The following MRPS9 variants were observed in gnomAD, a reference collection of about 807,000 sequenced individuals.
MRPS9 encodes the protein mitochondrial ribosomal protein S9, also known as small ribosomal subunit protein uS9m.
A neutral mutation model predicts 59.9 loss-of-function variants in MRPS9; 45 were observed. That is an observed-to-expected ratio of 0.75 (90% CI 0.59 to 0.96). The LOEUF is 0.96. Among genes scored for constraint, MRPS9 ranks in the 40% least tolerant of loss-of-function variants. MRPS9 has a pLI of 0.00. For missense variants in MRPS9, 473 were observed against 481.1 expected (o/e 0.98, Z 0.16); for synonymous variants, 171 against 166.8 (o/e 1.03, Z -0.19).
intron 1 of MRPS9, among the ~76,000 whole-genome samples, chr2:105,045,307 A>G (rs537012395): frequency 2.0e-4 from 30 of 151,318 alleles, no homozygotes; most frequent in Non-Finnish European, 4.1e-4. Flanking sequence ...CCAAATTGCC[A>G]GCTCAAAAGC....
intron 7 of MRPS9, chr2:105,091,220 T>C: frequency 2.2e-6 from 1 of 461,754 alleles, no homozygotes; most frequent in Non-Finnish European, 4.5e-6. Flanking sequence ...GAAATCCTAA[T>C]GTTTATGGCT....
chr2:105,089,071 T>TA lies in MRPS9; in HGVS notation c.575+4dup. ...GCTCCCAGAAAAAACTGTAACCAGG[T>TA]AAGCTCTTTTCTTGCATTAAAATAT... is the stretch of plus-strand genomic sequence containing the variant. On this transcript the variant is annotated splice_region_variant and intron_variant, in intron 6 of 10. Transcript: ENST00000258455. 6.2e-7 allele frequency: 1 copy of TA among 1,602,568 alleles called. No homozygotes were observed. The highest frequency in any genetic ancestry group is 8.5e-7 in the Non-Finnish European group (1 of 1,173,554).
chr2:105,062,264 C>A (rs1167330513), intron 2 of MRPS9, among the ~76,000 whole-genome samples: 1 of 152,160 alleles, frequency 6.6e-6, no homozygotes, highest in South Asian at 2.1e-4. Flanking sequence ...GTATCTAAAC[C>A]CAGTTCTCTT....
At chr2:105,053,373 C>T (rs1039359970) in intron 2 of MRPS9, among the ~76,000 whole-genome samples, 2 of 152,008 alleles carry the variant, frequency 1.3e-5, no homozygotes, top group African/African-American at 4.8e-5. Flanking sequence ...AATTAGGCAC[C>T]GTTGTATTCA....
At chr2:105,065,235 T>G (rs1339476444) in intron 2 of MRPS9, among the ~76,000 whole-genome samples, 1 of 152,188 alleles carries the variant, frequency 6.6e-6, no homozygotes, top group Non-Finnish European at 1.5e-5. Flanking sequence ...TGGATATCCT[T>G]GATGTCAGTG....
At chr2:105,067,814 T>C (rs1680031787) in intron 2 of MRPS9, among the ~76,000 whole-genome samples, 1 of 151,784 alleles carries the variant, frequency 6.6e-6, no homozygotes, top group African/African-American at 2.4e-5. Flanking sequence ...TTGAGTGTGT[T>C]GTGAAGCATT....
chr2:105,043,359 T>C (rs2104437378), intron 1 of MRPS9, among the ~76,000 whole-genome samples: 1 of 152,312 alleles, frequency 6.6e-6, no homozygotes, highest in East Asian at 1.9e-4. Context: ...TATCCCAGTT[T>C]CCCCAGGAGG....
chr2:105,038,158 T>TA lies in MRPS9; in HGVS notation c.67dup (p.Ser23LysfsTer15). 6.2e-7 allele frequency: 1 copy of TA among 1,612,972 alleles called. No individual in the cohort carries two copies. Among genetic ancestry groups the TA allele is most frequent in the Non-Finnish European group, 8.5e-7 (1 of 1,179,696 alleles). On this transcript the variant is annotated frameshift_variant, in exon 1 of 11. Transcript: ENST00000258455. LOFTEE classifies it high-confidence loss of function. ...ACCGGCTTCTTCTCTGGGGTAGGGGTAGCCTCGCCCGGAAGCAAGGCCTCT... is the reference window on the plus strand; with the variant it reads ...ACCGGCTTCTTCTCTGGGGTAGGGGTAAGCCTCGCCCGGAAGCAAGGCCTCT...
intron 5 of MRPS9, among the ~76,000 whole-genome samples, 200 bp from the exon 6 acceptor site, chr2:105,088,759 TGTATGACACTAAATTCTCATTGAAA>T (rs1680498778): frequency 6.6e-6 from 1 of 152,142 alleles, no homozygotes; most frequent in African/African-American, 2.4e-5. Flanking sequence ...TGTGCTGTGA[TGTATGACACTAAATTCTCATTGAAA>T]TTACTCTATC....
intron 4 of MRPS9, among the ~76,000 whole-genome samples, chr2:105,073,894 T>C (rs1680162012): frequency 6.6e-6 from 1 of 152,196 alleles, no homozygotes. Flanking sequence ...ATAACGAATT[T>C]GAATAACACA....
chr2:105,098,251 A>G (rs905379785), intron 10 of MRPS9: 3 of 152,172 alleles, frequency 2.0e-5, no homozygotes, highest in Non-Finnish European at 4.4e-5. Context: ...TGAGCTGAAG[A>G]CCATCTTCGC....
chr2:105,053,554 C>T (rs1238805510), intron 2 of MRPS9, among the ~76,000 whole-genome samples: 1 of 132,966 alleles, frequency 7.5e-6, no homozygotes, highest in Admixed American at 7.8e-5. Flanking sequence ...GTATTTACAA[C>T]AGATACAAAC....
At chr2:105,091,730 T>A (rs1680563263) in intron 7 of MRPS9, among the ~76,000 whole-genome samples, 1 of 152,218 alleles carries the variant, frequency 6.6e-6, no homozygotes, top group Non-Finnish European at 1.5e-5. Context: ...GTGATTATTC[T>A]GGCTTCTAAT....
chr2:105,053,345 A>G (rs1374077669), intron 2 of MRPS9, among the ~76,000 whole-genome samples: 1 of 152,194 alleles, frequency 6.6e-6, no homozygotes, highest in African/African-American at 2.4e-5. Flanking sequence ...TAGGCTCACT[A>G]TAATTTTCAC....
At chr2:105,074,037 G>A (rs1023113430) in intron 4 of MRPS9, among the ~76,000 whole-genome samples, 2 of 152,068 alleles carry the variant, frequency 1.3e-5, no homozygotes, top group African/African-American at 4.8e-5. Flanking sequence ...CATATCATTC[G>A]ATTTTTCTGA....
intron 2 of MRPS9, among the ~76,000 whole-genome samples, chr2:105,058,124 T>C (rs887931469): frequency 7.9e-5 from 12 of 152,342 alleles, no homozygotes; most frequent in East Asian, 1.9e-4. Context: ...ATTTCATAAT[T>C]TGTGCTCACT....
chr2:105,060,988 G>T (rs75401843), intron 2 of MRPS9, among the ~76,000 whole-genome samples: 33,180 of 150,794 alleles, frequency 0.22, 3,721 homozygotes, highest in Middle Eastern at 0.35. Flanking sequence ...GTGAGTGCCT[G>T]TAGTCCCAGC....
In MRPS9 at chr2:105,041,610, A is replaced by G. The variant is rs183391279; in HGVS notation, c.135+3383A>G. Among the ~76,000 whole-genome samples the G allele has an allele frequency of 5.9e-3, 900 of 152,004 alleles. 6 individuals are homozygous for G. Among genetic ancestry groups the G allele is most frequent in the Non-Finnish European group, 9.9e-3 (673 of 67,982 alleles). Reference sequence around the variant, plus strand: ...CAGCATTCTATTGATCTGCTTTAGTAGGATCTTAATACATTTTTTTTGACA... The same window carrying G: ...CAGCATTCTATTGATCTGCTTTAGTGGGATCTTAATACATTTTTTTTGACA... On this transcript the variant is annotated intron_variant, in intron 1 of 10. Coordinates refer to ENST00000258455, the MANE Select transcript of MRPS9 (RefSeq NM_182640.3).
intron 4 of MRPS9, among the ~76,000 whole-genome samples, chr2:105,076,924 A>G (rs1436649768): frequency 6.6e-6 from 1 of 152,052 alleles, no homozygotes; most frequent in African/African-American, 2.4e-5. Flanking sequence ...TTAAAGTACC[A>G]GTAAGCATTT....
Sources: gnomAD v4.1 joint callset for allele counts (sites outside exome capture counted in the v4.1 genomes callset) on GRCh38, gnomAD v4.1.1 for gene constraint, MANE v1.5 for transcripts, NCBI Gene and HGNC (gene_info 2026-07-23, HGNC 2026-07-21) for gene names.